Variants in NHSL1 observed in about 807,000 individuals in gnomAD.
The protein encoded by NHSL1 is NHS-like protein 1.
In NHSL1, 48 loss-of-function variants were observed where a neutral mutation model predicts 95.0. That is an observed-to-expected ratio of 0.51 (90% confidence interval 0.40 to 0.64). NHSL1 has a LOEUF of 0.64. Ranked by LOEUF, NHSL1 falls within the 30% of genes least tolerant of loss-of-function variation. NHSL1 has a pLI of 0.00. For synonymous variants in NHSL1, 783 were observed against 833.9 expected, an observed-to-expected ratio of 0.94 and a Z score of 1.05; for missense variants, 1,971 against 2,077.7, an observed-to-expected ratio of 0.95 and a Z score of 1.00.
intron 5 of NHSL1, among the ~76,000 whole-genome samples, chr6:138,437,343 C>T (rs867869155): frequency 1.3e-3 from 37 of 28,616 alleles, no homozygotes; most frequent in African/African-American, 2.5e-3. Context: ...TATATATATA[C>T]ACATATATAT....
intron 1 of NHSL1, among the ~76,000 whole-genome samples, chr6:138,626,893 CAAAAAAAAAAAAAAAAAA>C (rs71009593): frequency 3.9e-4 from 3 of 7,770 alleles, no homozygotes; most frequent in Admixed American, 2.3e-3. Context: ...GACTCCGTCT[CAAAAAAAAAAAAAAAAAA>C]AAAAAAAAAA....
chr6:138,571,664 A>G (rs1783843034), intron 1 of NHSL1: 2 of 1,530,296 alleles, frequency 1.3e-6, no homozygotes, highest in Non-Finnish European at 1.8e-6. Context: ...AGAATTCTAC[A>G]TAACAAACTT....
At chr6:138,664,501 G>A (rs1427369882) in intron 1 of NHSL1, among the ~76,000 whole-genome samples, 1 of 152,082 alleles carries the variant, frequency 6.6e-6, no homozygotes, top group Non-Finnish European at 1.5e-5. Context: ...TGCCTGGAAA[G>A]AGAGGAATTG....
At chr6:138,520,196 A>T (rs1419026388) in intron 1 of NHSL1, among the ~76,000 whole-genome samples, 1 of 152,074 alleles carries the variant, frequency 6.6e-6, no homozygotes, top group African/African-American at 2.4e-5. Context: ...ACCAAAATAA[A>T]TATCAATAAC....
In NHSL1 at chr6:138,473,443, G is replaced by C. The variant is rs777274523; in HGVS notation, c.212-10C>G. 7.0e-7 allele frequency: 1 copy of C among 1,425,516 alleles called. No homozygotes were observed. Among genetic ancestry groups the C allele is most frequent in the South Asian group, 1.6e-5 (1 of 61,862 alleles). The allele number at this position is 1,425,516 out of a possible 1,614,324, so 88.3% of individuals were successfully genotyped here. A position where few individuals can be genotyped will look rare whatever the true frequency, so the allele number is the denominator to read the frequency against. On this transcript the variant is annotated splice_polypyrimidine_tract_variant and intron_variant, in intron 2 of 7. Transcript: ENST00000343505. ...CGCAACTTATCGCATTCTGCAGAGG[G>C]GCACGCAGGGAGGGGAAGGAGGCCA...
At chr6:138,458,271 C>T (rs1460313972) in intron 3 of NHSL1, among the ~76,000 whole-genome samples, 1 of 152,164 alleles carries the variant, frequency 6.6e-6, no homozygotes, top group Non-Finnish European at 1.5e-5. Flanking sequence ...GGAGGAATCC[C>T]TAACTCTATG....
chr6:138,610,552 T>A (rs369988296), intron 1 of NHSL1, among the ~76,000 whole-genome samples: 29,897 of 135,180 alleles, frequency 0.22, 5,103 homozygotes, highest in African/African-American at 0.5. Context: ...TAAAAAAATA[T>A]ATATATATTA....
chr6:138,491,592 A>G (rs1362447003), intron 2 of NHSL1, among the ~76,000 whole-genome samples: 3 of 152,228 alleles, frequency 2.0e-5, no homozygotes, highest in African/African-American at 7.2e-5. Flanking sequence ...ATGGATGTAA[A>G]AAGGGTAGAC....
At chr6:138,483,640 C>T (rs1321715097) in intron 2 of NHSL1, among the ~76,000 whole-genome samples, 1 of 152,190 alleles carries the variant, frequency 6.6e-6, no homozygotes. Flanking sequence ...ATTGACACCC[C>T]TGTCTCCTTT....
chr6:138,608,003 C>T (rs536190995), intron 1 of NHSL1, among the ~76,000 whole-genome samples: 1 of 152,232 alleles, frequency 6.6e-6, no homozygotes, highest in Non-Finnish European at 1.5e-5. Flanking sequence ...TCCTAGGATG[C>T]TAACCTTCAA....
upstream of NHSL1, among the ~76,000 whole-genome samples, chr6:138,503,821 C>G (rs904960674): frequency 6.6e-6 from 1 of 152,200 alleles, no homozygotes; most frequent in African/African-American, 2.4e-5. Flanking sequence ...TAATTTGAGA[C>G]AATCTGCTTT....
intron 3 of NHSL1, among the ~76,000 whole-genome samples, chr6:138,467,243 C>A (rs1778445288): frequency 6.6e-6 from 1 of 151,952 alleles, no homozygotes; most frequent in African/African-American, 2.4e-5. Flanking sequence ...GGCTCCGCCC[C>A]CCGGGTTCAC....
chr6:138,577,728 C>T (rs1783992634), intron 1 of NHSL1, among the ~76,000 whole-genome samples: 1 of 152,110 alleles, frequency 6.6e-6, no homozygotes, highest in Admixed American at 6.5e-5. Context: ...CTGTCATCTC[C>T]TGTGAATAAT....
At chr6:138,474,875 G>A (rs553217651) in intron 2 of NHSL1, among the ~76,000 whole-genome samples, 37 of 152,134 alleles carry the variant, frequency 2.4e-4, no homozygotes, top group African/African-American at 5.3e-4. Flanking sequence ...CAGGCTGGGC[G>A]CGGTGGCTCA....
chr6:138,626,815 A>G lies in NHSL1; in HGVS notation c.96+65661T>C, dbSNP rs1241324169. Among the ~76,000 whole-genome samples the G allele has an allele frequency of 4.8e-5, 5 of 103,116 alleles. 2 individuals are homozygous for G. Among genetic ancestry groups the G allele is most frequent in the African/African-American group, 9.5e-5 (2 of 21,110 alleles). The allele number at this position is 103,116 out of a possible 152,430, so 67.6% of individuals were successfully genotyped here. A position where few individuals can be genotyped will look rare whatever the true frequency, so the allele number is the denominator to read the frequency against. Reference sequence around the variant, plus strand: ...AGGCTGAGGCAGGAGAATGGCGTGAACCCGGGAGGCGGAGCTTGCAGTGAG... The same window carrying G: ...AGGCTGAGGCAGGAGAATGGCGTGAGCCCGGGAGGCGGAGCTTGCAGTGAG... On this transcript the variant is annotated intron_variant, in intron 1 of 3. Transcript: ENST00000491526.
chr6:138,462,750 G>A (rs111957301), intron 3 of NHSL1, among the ~76,000 whole-genome samples: 13 of 152,326 alleles, frequency 8.5e-5, no homozygotes, highest in Non-Finnish European at 1.6e-4. Flanking sequence ...ATACCTTGGC[G>A]TTCTTCTCTA....
chr6:138,537,297 TTG>T (rs1318178465), intron 1 of NHSL1, among the ~76,000 whole-genome samples: 1 of 152,230 alleles, frequency 6.6e-6, no homozygotes, highest in Non-Finnish European at 1.5e-5. Flanking sequence ...TTCAAAATAT[TTG>T]TGTTGCTACC....
At chr6:138,680,606 C>T (rs993320844) in intron 1 of NHSL1, among the ~76,000 whole-genome samples, 2 of 152,064 alleles carry the variant, frequency 1.3e-5, no homozygotes, top group African/African-American at 2.4e-5. Flanking sequence ...AGCCTCTCCT[C>T]CCTTTTCCTC....
chr6:138,582,212 T>C (rs1319518458), intron 1 of NHSL1, among the ~76,000 whole-genome samples: 3 of 152,138 alleles, frequency 2.0e-5, no homozygotes, highest in Admixed American at 2.0e-4. Context: ...TGGCCTTAAT[T>C]TAAAGAGCAG....
Sources: gnomAD v4.1 joint callset for allele counts (sites outside exome capture counted in the v4.1 genomes callset) on GRCh38, gnomAD v4.1.1 for gene constraint, MANE v1.5 for transcripts, NCBI Gene and HGNC (gene_info 2026-07-23, HGNC 2026-07-21) for gene names.